The following HIRA variants were observed in gnomAD, a reference collection of about 807,000 sequenced individuals.
HIRA encodes the protein protein HIRA.
Under a neutral mutation model 126.6 loss-of-function variants are expected in HIRA, and 13 were observed. That is an observed-to-expected ratio of 0.10 (90% CI 0.07 to 0.16). The LOEUF is 0.16. Ranked by LOEUF, HIRA falls within the 10% of genes least tolerant of loss-of-function variation. The pLI is 1.00. For synonymous variants in HIRA, 511 were observed against 520.0 expected (o/e 0.98, Z 0.24); for missense variants, 834 against 1,314.4 (o/e 0.63, Z 5.65).
Position 19,408,524 on chromosome 22 carries a change from T to A in HIRA, c.170A>T (p.Glu57Val), listed in dbSNP as rs751385357. The A allele has an allele frequency of 1.9e-5, 30 of 1,613,658 alleles. 1 individual carries two copies. The highest frequency in any genetic ancestry group is 2.3e-5 in the Non-Finnish European group (27 of 1,179,622). The change falls in exon 3 of 25, where the codon GAA (glutamate) becomes GTA (valine). Residue 57 changes from glutamate (E) to valine (V), a missense_variant. Physicochemically the swap from Glu to Val is moderately radical, Grantham distance 121 (BLOSUM62 -2). This residue lies in a region of HIRA where 102 missense variants were observed against 191.4 expected (regional missense o/e 0.53). Coordinates refer to ENST00000263208, the MANE Select transcript of HIRA (RefSeq NM_003325.4). ...CTGGCAAAGCATCTTGGGAATATTT[T>A]CATCCTTCTCGTCATCCTCCTGGAG... Reference protein sequence around the residue: ...PVLQEDDEKDENIPKMLCQMD... With the variant: ...PVLQEDDEKDVNIPKMLCQMD...
intron 5 of HIRA, 51 bp from the exon 6 acceptor site, chr22:19,398,138 T>TTA: frequency 2.1e-6 from 3 of 1,420,858 alleles, no homozygotes; most frequent in Non-Finnish European, 3.0e-6. Flanking sequence ...GTGATGCCCT[T>TTA]GTCTATTAGC....
chr22:19,409,048 T>A lies in HIRA; in HGVS notation c.101-455A>T, dbSNP rs150032442. On this transcript the variant is annotated intron_variant, in intron 2 of 24. Transcript: ENST00000263208. ...AAGCAAACAGAAAAGCACACCCTAG[T>A]GGGGTTTCCCTCCCCTTCCAGGTGC... is the stretch of plus-strand genomic sequence containing the variant. Among the ~76,000 whole-genome samples the A allele has an allele frequency of 7.8e-3, 1,184 of 152,318 alleles. 18 individuals are homozygous for A. The highest frequency in any genetic ancestry group is 0.027 in the African/African-American group (1,129 of 41,548).
chr22:19,409,915 A>G (rs772377638), intron 2 of HIRA, among the ~76,000 whole-genome samples: 24 of 151,962 alleles, frequency 1.6e-4, no homozygotes, highest in Admixed American at 3.9e-4. Flanking sequence ...CAGCTTCCCT[A>G]CACTCCCTTC....
intron 1 of HIRA, among the ~76,000 whole-genome samples, chr22:19,428,550 C>T (rs117503292): frequency 2.6e-4 from 40 of 152,308 alleles, no homozygotes; most frequent in Non-Finnish European, 5.6e-4. Flanking sequence ...TACTTCTTCT[C>T]CTGTTCTAGC....
chr22:19,331,353 C>T lies in HIRA; in HGVS notation c.*87G>A, dbSNP rs781951956. 2.1e-5 allele frequency: 34 copies of T among 1,603,238 alleles called. No individual in the cohort carries two copies. In the South Asian group the frequency reaches 3.8e-4, roughly 18 times the overall value. ...CTGCCAGTGTCTCCTCCCCCTACAGCCTGGTCAGGTGAGAGGCGGTCCTGC... is the reference window on the plus strand; with the variant it reads ...CTGCCAGTGTCTCCTCCCCCTACAGTCTGGTCAGGTGAGAGGCGGTCCTGC... On this transcript the variant is annotated 3_prime_UTR_variant, in exon 25 of 25. Transcript: ENST00000263208.
chr22:19,391,051 T>C (rs1264172982), intron 9 of HIRA, among the ~76,000 whole-genome samples: 2 of 152,136 alleles, frequency 1.3e-5, no homozygotes, highest in African/African-American at 4.8e-5. Context: ...AGAATGTTCA[T>C]ATCAGCTTTA....
At chr22:19,424,671 G>A (rs1204130535) in intron 1 of HIRA, among the ~76,000 whole-genome samples, 1 of 152,104 alleles carries the variant, frequency 6.6e-6, no homozygotes, top group Non-Finnish European at 1.5e-5. Context: ...AGTAAGTCTG[G>A]GCTTGGGCTG....
chr22:19,418,509 G>A (rs148953421), intron 1 of HIRA, among the ~76,000 whole-genome samples: 1,793 of 152,124 alleles, frequency 0.012, 41 homozygotes, highest in African/African-American at 0.041. Flanking sequence ...GCAGGCGCCT[G>A]TAGTCCCAGC....
chr22:19,394,222 A>T, intron 8 of HIRA, 120 bp downstream of exon 8: 1 of 1,217,826 alleles, frequency 8.2e-7, no homozygotes, highest in Non-Finnish European at 1.1e-6. Context: ...TCAACCAAGT[A>T]CATACTCTAT....
intron 1 of HIRA, among the ~76,000 whole-genome samples, chr22:19,414,240 C>T (rs1259451861): frequency 1.3e-5 from 2 of 152,184 alleles, no homozygotes; most frequent in Non-Finnish European, 2.9e-5. Context: ...AAGAGCAGCA[C>T]AAATGCTTTC....
At chr22:19,365,561 T>C (rs780338021) in intron 15 of HIRA, among the ~76,000 whole-genome samples, 27 of 152,214 alleles carry the variant, frequency 1.8e-4, no homozygotes, top group Non-Finnish European at 3.4e-4. Flanking sequence ...TACTGAATAT[T>C]TGAAGCCCAA....
chr22:19,411,415 C>G (rs532778751), intron 1 of HIRA, among the ~76,000 whole-genome samples: 1 of 152,290 alleles, frequency 6.6e-6, no homozygotes, highest in South Asian at 2.1e-4. Flanking sequence ...CACTAGGATC[C>G]CATGAAGCTA....
At chr22:19,373,593 C>T (rs1488686125) in intron 15 of HIRA, among the ~76,000 whole-genome samples, 5 of 152,274 alleles carry the variant, frequency 3.3e-5, no homozygotes, top group African/African-American at 7.2e-5. Flanking sequence ...CTCGGCTTGG[C>T]GATTTCTATA....
At chr22:19,413,553 C>G (rs1372942428) in intron 1 of HIRA, among the ~76,000 whole-genome samples, 3 of 151,980 alleles carry the variant, frequency 2.0e-5, no homozygotes, top group African/African-American at 7.3e-5. Context: ...CCTTTCCATC[C>G]CAAGGAAAGC....
chr22:19,356,532 T>C (rs2088813814), intron 19 of HIRA, among the ~76,000 whole-genome samples: 1 of 152,126 alleles, frequency 6.6e-6, no homozygotes. Context: ...CCACACCACT[T>C]TGGGGGAAGC....
Position 19,397,974 on chromosome 22 carries a change from T to G in HIRA, c.493+18A>C, listed in dbSNP as rs1459226850. On this transcript the variant is annotated intron_variant, in intron 6 of 24. Transcript: ENST00000263208. Reference sequence around the variant, plus strand: ...GGCAGTACTGCTTGCTGTTAACCAGTCAGAGGAGGCCCCAGACCTGGGAAC... The same window carrying G: ...GGCAGTACTGCTTGCTGTTAACCAGGCAGAGGAGGCCCCAGACCTGGGAAC... The G allele has an allele frequency of 6.2e-7, 1 of 1,600,520 alleles. No individual in the cohort carries two copies. Among genetic ancestry groups the G allele is most frequent in the Non-Finnish European group, 8.6e-7 (1 of 1,168,558 alleles).
Position 19,378,072 on chromosome 22 carries a change from A to G in HIRA, c.1416-6T>C, listed in dbSNP as rs755598627. The G allele has an allele frequency of 1.9e-6, 3 of 1,544,920 alleles. No homozygotes were observed. Among genetic ancestry groups the G allele is most frequent in the South Asian group, 2.4e-5 (2 of 81,678 alleles). ...AGAATGCCGTGGAGAAGTCCCTGTC[A>G]TCAAGTAAGAACAAAAGTCAGCCTT... On this transcript the variant is annotated splice_region_variant and splice_polypyrimidine_tract_variant and intron_variant, in intron 13 of 24. Coordinates refer to ENST00000263208, the MANE Select transcript of HIRA (RefSeq NM_003325.4).
At chr22:19,364,854 A>G (rs910454376) in intron 15 of HIRA, among the ~76,000 whole-genome samples, 2 of 152,248 alleles carry the variant, frequency 1.3e-5, no homozygotes, top group African/African-American at 4.8e-5. Context: ...AAGCTGAGAC[A>G]GGCCAAAAGC....
At chr22:19,430,462 G>C (rs1056180660) in intron 1 of HIRA, among the ~76,000 whole-genome samples, 13 of 152,130 alleles carry the variant, frequency 8.5e-5, no homozygotes, top group African/African-American at 2.9e-4. Flanking sequence ...ATCTATTCTC[G>C]CTCCTAAAGA....
Sources: gnomAD v4.1 joint callset for allele counts (sites outside exome capture counted in the v4.1 genomes callset) on GRCh38, gnomAD v4.1.1 for gene constraint, gnomAD v4.1.1 regional missense constraint, MANE v1.5 for transcripts, NCBI Gene and HGNC (gene_info 2026-07-23, HGNC 2026-07-21) for gene names.